Variants in SLC41A3 observed in about 807,000 individuals in gnomAD.
SLC41A3 encodes the protein solute carrier family 41 member 3.
In SLC41A3, 44 loss-of-function variants were observed where a neutral mutation model predicts 45.4. The ratio of observed to expected loss-of-function variants is 0.97; its 90% CI spans 0.76 to 1.25. SLC41A3 has a LOEUF of 1.25. Among genes scored for constraint, SLC41A3 ranks in the 50% most tolerant of loss-of-function variants. The pLI is 0.00. For missense variants in SLC41A3, 550 were observed against 600.6 expected (o/e 0.92, Z 0.88); for synonymous variants, 256 against 252.4 (o/e 1.01, Z -0.13).
chr3:126,099,304 C>T (rs1045020599), intron 1 of SLC41A3, among the ~76,000 whole-genome samples: 1 of 152,084 alleles, frequency 6.6e-6, no homozygotes, highest in Non-Finnish European at 1.5e-5. Context: ...CATGGATTAT[C>T]TTATTTTAAA....
intron 5 of SLC41A3, 158 bp from the exon 6 acceptor site, chr3:126,023,090 G>A (rs974319992): frequency 3.6e-5 from 35 of 965,330 alleles, no homozygotes; most frequent in Admixed American, 5.1e-5. Flanking sequence ...AGTCCTTGAC[G>A]TGAAGCCAGG....
chr3:126,033,756 TCTCA>T, intron 3 of SLC41A3, 78 bp from the exon 4 acceptor site: 1 of 1,446,834 alleles, frequency 6.9e-7, no homozygotes, highest in Non-Finnish European at 9.5e-7. Context: ...AAAGGCAGTC[TCTCA>T]GGGAAGAAAT....
At chr3:126,056,904 G>A (rs1303744582) in intron 2 of SLC41A3, 26 of 1,117,432 alleles carry the variant, frequency 2.3e-5, no homozygotes, top group South Asian at 5.7e-5. Flanking sequence ...CCTCTGCACC[G>A]GCCTTGACAG....
At chr3:126,096,703 C>A (rs554419743) in intron 1 of SLC41A3, among the ~76,000 whole-genome samples, 5 of 152,240 alleles carry the variant, frequency 3.3e-5, no homozygotes, top group Non-Finnish European at 7.3e-5. Context: ...AATCTAATAT[C>A]TATAGAAACA....
At chr3:126,013,848 T>C (rs531151647) in intron 8 of SLC41A3, among the ~76,000 whole-genome samples, 1 of 152,212 alleles carries the variant, frequency 6.6e-6, no homozygotes, top group Admixed American at 6.5e-5. Context: ...AGCGGGGTCA[T>C]GTGTAGACTG....
intron 3 of SLC41A3, among the ~76,000 whole-genome samples, chr3:126,040,090 G>C (rs937805439): frequency 2.6e-5 from 4 of 152,222 alleles, no homozygotes; most frequent in African/African-American, 9.7e-5. Context: ...GCCCAAGAGC[G>C]GGTGGGGCAT....
intron 6 of SLC41A3, among the ~76,000 whole-genome samples, chr3:126,021,546 G>A (rs575098768): frequency 3.9e-5 from 6 of 152,318 alleles, no homozygotes; most frequent in African/African-American, 1.2e-4. Context: ...TTATCTTAGA[G>A]GGACGGTTTT....
chr3:126,033,527 T>G, intron 4 of SLC41A3, 80 bp downstream of exon 4: 1 of 1,480,810 alleles, frequency 6.8e-7, no homozygotes, highest in Non-Finnish European at 9.3e-7. Context: ...GGACAAGAGC[T>G]CGCTTAGCCT....
intron 1 of SLC41A3, among the ~76,000 whole-genome samples, chr3:126,078,660 C>G (rs993572483): frequency 5.3e-5 from 8 of 152,104 alleles, no homozygotes; most frequent in Admixed American, 3.3e-4. Flanking sequence ...TGTGGGAAGG[C>G]TAGACTATTA....
intron 2 of SLC41A3, among the ~76,000 whole-genome samples, chr3:126,065,410 T>C (rs1310485481): frequency 2.0e-5 from 3 of 152,254 alleles, no homozygotes; most frequent in Non-Finnish European, 2.9e-5. Flanking sequence ...ATAAGCACTT[T>C]AATGAAAAGC....
Position 126,033,633 on chromosome 3 carries a change from T to G in SLC41A3, c.427A>C (p.Ile143Leu), listed in dbSNP as rs905332617. Residue 143 changes from isoleucine to leucine, a missense_variant, in exon 4 of 11, where the codon ATC (isoleucine) becomes CTC (leucine). Transcript: ENST00000360370. Reference sequence around the variant, plus strand: ...TGGATGAGGGCCAGGTTGCTGCTGATGACTCTGTGCTGCTCCTGGGGGTCA... The same window carrying G: ...TGGATGAGGGCCAGGTTGCTGCTGAGGACTCTGTGCTGCTCCTGGGGGTCA... ...IDDPQEQHRVISSNLALIQVQ... is the reference protein window; with the variant it reads ...IDDPQEQHRVLSSNLALIQVQ... 1.2e-6 allele frequency: 2 copies of G among 1,612,986 alleles called. No homozygotes were observed. The highest frequency in any genetic ancestry group is 1.7e-5 in the Admixed American group (1 of 59,936).
At position 126,025,705 on chromosome 3, in the gene SLC41A3, G is replaced by A. The variant is rs78850924; in HGVS notation, c.598+630C>T. Reference sequence around the variant, plus strand: ...CTGTGTGAGGACAGCGAGAAGGGCCGACTGCAGCCTCAAAGGGAGCAGCTG... The same window carrying A: ...CTGTGTGAGGACAGCGAGAAGGGCCAACTGCAGCCTCAAAGGGAGCAGCTG... On this transcript the variant is annotated intron_variant, in intron 5 of 10. Coordinates refer to ENST00000360370, the MANE Select transcript of SLC41A3 (RefSeq NM_017836.4). The A allele has an allele frequency of 1.3e-3, 196 of 152,530 alleles. 5 individuals carry two copies. In the East Asian group the frequency reaches 0.015, roughly 12 times the overall value. 9.4% of individuals were successfully genotyped at this position (152,530 alleles called of 1,614,324 possible). A position where few individuals can be genotyped will look rare whatever the true frequency, so the allele number is the denominator to read the frequency against.
intron 1 of SLC41A3, among the ~76,000 whole-genome samples, chr3:126,069,625 A>T (rs1944523704): frequency 6.6e-6 from 1 of 152,254 alleles, no homozygotes; most frequent in Non-Finnish European, 1.5e-5. Flanking sequence ...CCATTAAAAA[A>T]AATTAATAGA....
chr3:126,049,470 C>T (rs1162031575), intron 3 of SLC41A3, among the ~76,000 whole-genome samples: 2 of 152,002 alleles, frequency 1.3e-5, no homozygotes, highest in Non-Finnish European at 2.9e-5. Context: ...CTGGGTGACA[C>T]AGCAAAACTG....
At chr3:126,044,543 T>C (rs1292938914) in intron 3 of SLC41A3, among the ~76,000 whole-genome samples, 1 of 152,178 alleles carries the variant, frequency 6.6e-6, no homozygotes, top group Non-Finnish European at 1.5e-5. Context: ...TGAAACATTC[T>C]CCAAGACAGA....
Position 126,021,189 on chromosome 3 carries a change from T to C in SLC41A3, c.745+1597A>G, listed in dbSNP as rs546030393. Among the ~76,000 whole-genome samples, 158 of 152,252 alleles carry C rather than the reference T, an allele frequency of 1.0e-3. 1 individual carries two copies. The highest frequency in any genetic ancestry group is 2.6e-4 in the Non-Finnish European group (18 of 68,020). On this transcript the variant is annotated intron_variant, in intron 6 of 10. Coordinates refer to ENST00000360370, the MANE Select transcript of SLC41A3 (RefSeq NM_017836.4). ...GATTACAGGCGTGAGCCACCGCGCC[T>C]GGCCTGTTTAGAGTTTTTATACCCC... is the stretch of plus-strand genomic sequence containing the variant.
chr3:126,089,882 T>G (rs1945456836), intron 1 of SLC41A3, among the ~76,000 whole-genome samples: 1 of 152,222 alleles, frequency 6.6e-6, no homozygotes, highest in Non-Finnish European at 1.5e-5. Context: ...TTCTTAGGAC[T>G]AATTCTAACT....
intron 3 of SLC41A3, 32 bp downstream of exon 3, chr3:126,050,911 T>C: frequency 6.3e-7 from 1 of 1,595,904 alleles, no homozygotes; most frequent in Non-Finnish European, 8.5e-7. Flanking sequence ...CCTCACGTTG[T>C]GGCCGCCTCG....
intron 1 of SLC41A3, among the ~76,000 whole-genome samples, chr3:126,093,544 A>T (rs2108134622): frequency 6.6e-6 from 1 of 152,384 alleles, no homozygotes; most frequent in South Asian, 2.1e-4. Flanking sequence ...TCCCAACAGG[A>T]GTCTGTGGAC....
Sources: gnomAD v4.1 joint callset for allele counts (sites outside exome capture counted in the v4.1 genomes callset) on GRCh38, gnomAD v4.1.1 for gene constraint, MANE v1.5 for transcripts, NCBI Gene and HGNC (gene_info 2026-07-23, HGNC 2026-07-21) for gene names.